KMT5C: variants seen among roughly 807,000 people sequenced by gnomAD.
The protein encoded by KMT5C is histone-lysine N-methyltransferase KMT5C.
A neutral mutation model predicts 38.2 loss-of-function variants in KMT5C; 16 were observed. That is an observed-to-expected ratio of 0.42 (90% confidence interval 0.28 to 0.64). The LOEUF (loss-of-function observed/expected upper bound fraction) is 0.64. Ranked by LOEUF, KMT5C falls within the 30% of genes least tolerant of loss-of-function variation. The pLI, the probability that KMT5C is intolerant of heterozygous loss-of-function variation, is 0.23. For synonymous variants in KMT5C, 291 were observed against 279.0 expected (o/e 1.04, Z -0.43); for missense variants, 598 against 665.1 (o/e 0.90, Z 1.11).
In KMT5C at chr19:55,347,196, C is replaced by T; in HGVS notation, c.1136C>T (p.Pro379Leu). Residue 379 changes from proline (P) to leucine (L), a missense_variant, in exon 9 of 9, where the codon CCC becomes CTC. This residue lies in a region of KMT5C where 326 missense variants were observed against 298.1 expected (regional missense o/e 1.09). Transcript: ENST00000255613. The surrounding 1 kb of genome is among the most constrained non-coding windows in gnomAD (Gnocchi z 4.6). The part of the protein sequence containing the change: ...RGEALVALGQ[P>L]PHARWAPQQD... Reference sequence around the variant, plus strand: ...GAGGCCCTGGTGGCCCTGGGCCAGCCCCCCCACGCCCGCTGGGCCCCTCAG... The same window carrying T: ...GAGGCCCTGGTGGCCCTGGGCCAGCTCCCCCACGCCCGCTGGGCCCCTCAG... 3 of 1,538,132 alleles carry T rather than the reference C, an allele frequency of 2.0e-6. No homozygotes were observed. The highest frequency in any genetic ancestry group is 1.2e-5 in the South Asian group (1 of 84,024).
rs776210607 is a variant in KMT5C, at chr19:55,343,993, G to A, written c.566G>A (p.Cys189Tyr). 6.2e-7 allele frequency: 1 copy of A among 1,612,430 alleles called. No individual in the cohort carries two copies. Among genetic ancestry groups the A allele is most frequent in the Non-Finnish European group, 8.5e-7 (1 of 1,178,650 alleles). The change falls in exon 6 of 9, where the codon TGC (cysteine) becomes TAC (tyrosine). Residue 189 changes from cysteine to tyrosine, a missense_variant. Coordinates refer to ENST00000255613, the MANE Select transcript of KMT5C (RefSeq NM_032701.4). This position sits in a 1 kb window ranked among gnomAD's most constrained non-coding sequence, Gnocchi z 5.5. The stretch of plus-strand genomic sequence containing the variant: ...CTGGCTCCAGACTGCAAACCCAACT[G>A]CAAGGTAAGGCCTTGGGACTCGGGA... Reference protein sequence around the residue: ...AFINHDCKPNCKFVPADGNAA... With the variant: ...AFINHDCKPNYKFVPADGNAA...
rs550458012 is a variant in KMT5C, at chr19:55,342,115, C to T, written c.110+69C>T. On this transcript the variant is annotated intron_variant, in intron 2 of 8. Transcript: ENST00000255613. ...CCCTCCCCTTGCACCGCTGCCGCCCCTCGGCCCTCTCCTTAGCCTGGTCCT... is the reference window on the plus strand; with the variant it reads ...CCCTCCCCTTGCACCGCTGCCGCCCTTCGGCCCTCTCCTTAGCCTGGTCCT... 5 of 1,579,338 alleles carry T rather than the reference C, an allele frequency of 3.2e-6. No individual in the cohort carries two copies. The African/African-American group carries it at 4.0e-5, about 13-fold the overall frequency.
At position 55,341,950 on chromosome 19, in the gene KMT5C, G is replaced by A. The variant is rs1012341431; in HGVS notation, c.14G>A (p.Arg5Lys). Residue 5 changes from arginine (R) to lysine (K), a missense_variant, in exon 2 of 9, where the codon AGA (arginine) becomes AAA (lysine). Arg to Lys is a conservative substitution (Grantham distance 26). Coordinates refer to ENST00000255613, the MANE Select transcript of KMT5C (RefSeq NM_032701.4). ...CCGCAGGGCACCATGGGGCCCGACA[G>A]AGTGACAGCACGAGAACTGTGCGAG... is the stretch of plus-strand genomic sequence containing the variant. MGPD[R>K]VTARELCEND... The A allele has an allele frequency of 3.1e-6, 5 of 1,613,422 alleles. No individual in the cohort carries two copies. The highest frequency in any genetic ancestry group is 2.5e-6 in the Non-Finnish European group (3 of 1,179,910).
At chr19:55,340,211 C>T (rs899940349) in intron 1 of KMT5C, among the ~76,000 whole-genome samples, 1 of 151,928 alleles carries the variant, frequency 6.6e-6, no homozygotes, top group Non-Finnish European at 1.5e-5. Context: ...CTCAGGGCCT[C>T]TCCCTGACCT....
Position 55,341,962 on chromosome 19 carries a change from G to A in KMT5C, c.26G>A (p.Arg9Gln), listed in dbSNP as rs774707941. MGPDRVTA[R>Q]ELCENDDLAT... ...ATGGGGCCCGACAGAGTGACAGCAC[G>A]AGAACTGTGCGAGAACGACGACCTG... The change falls in exon 2 of 9, where the codon CGA becomes CAA. Residue 9 changes from arginine (R) to glutamine (Q), a missense_variant. Coordinates refer to ENST00000255613, the MANE Select transcript of KMT5C (RefSeq NM_032701.4). 13 of 1,613,596 alleles carry A rather than the reference G, an allele frequency of 8.1e-6. No homozygotes were observed. Among genetic ancestry groups the A allele is most frequent in the Non-Finnish European group, 1.0e-5 (12 of 1,179,908 alleles).
Position 55,341,945 on chromosome 19 carries a change from C to G in KMT5C, c.9C>G (p.Pro3=), listed in dbSNP as rs148123445. 6 of 1,613,334 alleles carry G rather than the reference C, an allele frequency of 3.7e-6. No homozygotes were observed. The highest frequency in any genetic ancestry group is 5.1e-6 in the Non-Finnish European group (6 of 1,179,768). ...ATGGTCCGCAGGGCACCATGGGGCC[C>G]GACAGAGTGACAGCACGAGAACTGT... MG[P]DRVTARELCE... The change falls in exon 2 of 9, where the codon CCC becomes CCG. Residue 3 remains proline, a synonymous_variant. Coordinates refer to ENST00000255613, the MANE Select transcript of KMT5C (RefSeq NM_032701.4).
chr19:55,342,302 G>T lies in KMT5C; in HGVS notation c.198G>T (p.Arg66=), dbSNP rs759369037. The T allele has an allele frequency of 6.3e-7, 1 of 1,590,786 alleles. No individual in the cohort carries two copies. The highest frequency in any genetic ancestry group is 8.5e-7 in the Non-Finnish European group (1 of 1,170,420). ...LRQRDLEAAY[R]ALTLGGWTAR... Reference sequence around the variant, plus strand: ...AGCGGGACCTGGAGGCTGCGTACCGGGCCCTGACGCTGGGAGGCTGGACGG... The same window carrying T: ...AGCGGGACCTGGAGGCTGCGTACCGTGCCCTGACGCTGGGAGGCTGGACGG... Residue 66 remains arginine (R), a synonymous_variant, in exon 3 of 9, where the codon CGG becomes CGT. Coordinates refer to ENST00000255613, the MANE Select transcript of KMT5C (RefSeq NM_032701.4).
Position 55,347,376 on chromosome 19 carries a change from C to T in KMT5C, c.1316C>T (p.Ser439Phe), listed in dbSNP as rs1271228620. ...CAGGCCCTCGCCTTCGCCCCCTTCT[C>T]CCCACCCAAGCGCCTACGGCTGGTG... ...PKQALAFAPF[S>F]PPKRLRLVVS... Residue 439 changes from serine to phenylalanine, a missense_variant, in exon 9 of 9, where the codon TCC (serine) becomes TTC (phenylalanine). Physicochemically the swap from Ser to Phe is radical, Grantham distance 155 (BLOSUM62 -2). Transcript: ENST00000255613. The surrounding 1 kb of genome is among the most constrained non-coding windows in gnomAD (Gnocchi z 4.6). 6.3e-7 allele frequency: 1 copy of T among 1,586,734 alleles called. No individual in the cohort carries two copies. The highest frequency in any genetic ancestry group is 1.3e-5 in the African/African-American group (1 of 74,540).
At chr19:55,342,687 G>A (rs1004195466) in intron 3 of KMT5C, 55 bp from the exon 4 acceptor site, 3 of 1,008,328 alleles carry the variant, frequency 3.0e-6, no homozygotes, top group African/African-American at 1.6e-5. Context: ...CCTGGAGAGA[G>A]AGGGCCAAAG....
Position 55,346,248 on chromosome 19 carries a change from G to T in KMT5C, c.606G>T (p.Lys202Asn). The change falls in exon 7 of 9, where the codon AAG becomes AAT. Residue 202 changes from lysine to asparagine, a missense_variant. By Grantham distance (94) the Lys-to-Asn change is moderately conservative (BLOSUM62 0). Coordinates refer to ENST00000255613, the MANE Select transcript of KMT5C (RefSeq NM_032701.4). Reference protein sequence around the residue: ...VPADGNAACVKVLRDIEPGDE... With the variant: ...VPADGNAACVNVLRDIEPGDE... ...CAGATGGGAACGCAGCCTGCGTGAA[G>T]GTGCTCCGGGACATTGAGCCTGGGG... is the stretch of plus-strand genomic sequence containing the variant. 1 of 1,614,044 alleles carries T rather than the reference G, an allele frequency of 6.2e-7. No individual in the cohort carries two copies. The highest frequency in any genetic ancestry group is 8.5e-7 in the Non-Finnish European group (1 of 1,179,960).
At chr19:55,340,207 G>T (rs1346117428) in intron 1 of KMT5C, among the ~76,000 whole-genome samples, 1 of 151,660 alleles carries the variant, frequency 6.6e-6, no homozygotes, top group Non-Finnish European at 1.5e-5. Flanking sequence ...CATCCTCAGG[G>T]CCTCTCCCTG....
intron 1 of KMT5C, among the ~76,000 whole-genome samples, chr19:55,340,895 C>T (rs1165956689): frequency 6.6e-6 from 1 of 151,960 alleles, no homozygotes; most frequent in Admixed American, 6.5e-5. Flanking sequence ...CCAGCCCCCT[C>T]TCCAGCTTCC....
intron 6 of KMT5C, 92 bp downstream of exon 6, chr19:55,344,089 C>T: frequency 7.0e-7 from 1 of 1,430,664 alleles, no homozygotes; most frequent in Non-Finnish European, 9.7e-7. Flanking sequence ...AAGAGCCAAA[C>T]ACCGGCCGGG....
In KMT5C at chr19:55,343,326, G is replaced by A; in HGVS notation, c.387-354G>A. ...CCAGGGCGAGGCTCACACTGACAGGGGAAGCACCCGCCTGAGGGTCTGGTG... is the reference window on the plus strand; with the variant it reads ...CCAGGGCGAGGCTCACACTGACAGGAGAAGCACCCGCCTGAGGGTCTGGTG... On this transcript the variant is annotated intron_variant, in intron 4 of 8. Transcript: ENST00000255613. This position sits in a 1 kb window ranked among gnomAD's most constrained non-coding sequence, Gnocchi z 5.5. 2 of 356,112 alleles carry A rather than the reference G, an allele frequency of 5.6e-6. No individual in the cohort carries two copies. Among genetic ancestry groups the A allele is most frequent in the Non-Finnish European group, 1.1e-5 (2 of 189,156 alleles). The allele number at this position is 356,112 out of a possible 1,614,324, so 22.1% of individuals were successfully genotyped here.
In KMT5C at chr19:55,343,659, T is replaced by C. The variant is rs2123193161; in HGVS notation, c.387-21T>C. The C allele has an allele frequency of 1.9e-6, 3 of 1,550,572 alleles. No homozygotes were observed. The highest frequency in any genetic ancestry group is 1.4e-5 in the African/African-American group (1 of 73,172). ...GGAGGCCAGGCATCGCCCACAGCCC[T>C]GCCCCCTGGCCTCTTGGCAGGAAAA... is the stretch of plus-strand genomic sequence containing the variant. On this transcript the variant is annotated intron_variant, in intron 4 of 8. Coordinates refer to ENST00000255613, the MANE Select transcript of KMT5C (RefSeq NM_032701.4). This position sits in a 1 kb window ranked among gnomAD's most constrained non-coding sequence, Gnocchi z 5.5.
rs1241003114 is a variant in KMT5C at position 55,346,643 on chromosome 19, G to A, written c.851G>A (p.Arg284Gln). The change falls in exon 8 of 9, where the codon CGG (arginine) becomes CAG (glutamine). Residue 284 changes from arginine (R) to glutamine (Q), a missense_variant. Physicochemically the swap from Arg to Gln is conservative, Grantham distance 43. Around this residue, in one of 3 missense-constraint regions of KMT5C, gnomAD observed 326 missense variants for 298.1 expected, o/e 1.09. Coordinates refer to ENST00000255613, the MANE Select transcript of KMT5C (RefSeq NM_032701.4). ...AGCCGACAGGGCCTGCTGGGCCCTC[G>A]GGCCTGCGTGCACCCATCCCCGCTG... ...SGSRQGLLGP[R>Q]ACVHPSPLRR... The A allele has an allele frequency of 5.1e-6, 8 of 1,575,752 alleles. No homozygotes were observed. The highest frequency in any genetic ancestry group is 6.9e-6 in the Non-Finnish European group (8 of 1,161,600).
At position 55,342,433 on chromosome 19, in the gene KMT5C, G is replaced by A. The variant is rs541116487; in HGVS notation, c.276+53G>A. The A allele has an allele frequency of 1.3e-5, 18 of 1,361,784 alleles. No homozygotes were observed. The East Asian group carries it at 2.0e-4, about 15-fold the overall frequency. The allele number at this position is 1,361,784 out of a possible 1,614,324, so 84.4% of individuals were successfully genotyped here. The stretch of plus-strand genomic sequence containing the variant: ...TCACCGCGTGTCCTCCCCGCTCACC[G>A]GGCCTGGTCCCGCCTGGCAGACGCT... On this transcript the variant is annotated intron_variant, in intron 3 of 8. Transcript: ENST00000255613.
Position 55,346,560 on chromosome 19 carries a change from G to A in KMT5C, c.768G>A (p.Leu256=), listed in dbSNP as rs2089619894. ...PREPALPPRP[L]DKYQLRETKR... ...AGCCCGCGTTGCCACCACGGCCCCT[G>A]GACAAGTACCAGCTGCGTGAGACCA... The change falls in exon 8 of 9, where the codon CTG becomes CTA. Residue 256 remains leucine, a synonymous_variant. Coordinates refer to ENST00000255613, the MANE Select transcript of KMT5C (RefSeq NM_032701.4). 1 of 1,594,280 alleles carries A rather than the reference G, an allele frequency of 6.3e-7. No homozygotes were observed.
intron 2 of KMT5C, 48 bp downstream of exon 2, chr19:55,342,094 C>T: frequency 6.4e-7 from 1 of 1,570,490 alleles, no homozygotes; most frequent in African/African-American, 1.3e-5. Flanking sequence ...CAGGACCCCT[C>T]CCCTTGCACC....
Sources: gnomAD v4.1 joint callset for allele counts (sites outside exome capture counted in the v4.1 genomes callset) on GRCh38, gnomAD v4.1.1 for gene constraint, gnomAD v4.1.1 regional missense constraint, Gnocchi (gnomAD v3.1) non-coding constraint, MANE v1.5 for transcripts, NCBI Gene and HGNC (gene_info 2026-07-23, HGNC 2026-07-21) for gene names.